AKAP9: variants seen among roughly 807,000 people sequenced by gnomAD.
The protein encoded by AKAP9 is A-kinase anchor protein 9.
A neutral mutation model predicts 488.5 loss-of-function variants in AKAP9; 311 were observed. The observed-to-expected ratio is 0.64, with a 90% CI of 0.58 to 0.70. The LOEUF is 0.70. Ranked by LOEUF, AKAP9 falls within the 30% of genes least tolerant of loss-of-function variation. The pLI is 0.00. For missense variants in AKAP9, 4,215 were observed against 4,374.5 expected, an observed-to-expected ratio of 0.96 and a Z score of 1.03; for synonymous variants, 1,462 against 1,483.5, an observed-to-expected ratio of 0.99 and a Z score of 0.33.
At chr7:92,083,106 A>G in intron 32 of AKAP9, 64 bp from the exon 33 acceptor site, 6 of 1,577,458 alleles carry the variant, frequency 3.8e-6, no homozygotes, top group African/African-American at 1.4e-5. Flanking sequence ...CACCCTTTAA[A>G]TTCTACATTT....
chr7:91,954,493 C>T (rs1243161545), intron 1 of AKAP9, among the ~76,000 whole-genome samples: 2 of 152,202 alleles, frequency 1.3e-5, no homozygotes, highest in Admixed American at 6.5e-5. Context: ...GTAGGTTGGT[C>T]CTGGACTCAA....
At chr7:91,992,495 C>A (rs990568909) in intron 4 of AKAP9, among the ~76,000 whole-genome samples, 1 of 151,912 alleles carries the variant, frequency 6.6e-6, no homozygotes, top group Non-Finnish European at 1.5e-5. Flanking sequence ...GAAACCGCAT[C>A]TCTACTATAA....
Position 91,940,985 on chromosome 7 carries a change from A to G in AKAP9, c.-115A>G. On this transcript the variant is annotated 5_prime_UTR_variant, in exon 1 of 50. Coordinates refer to ENST00000356239, the MANE Select transcript of AKAP9 (RefSeq NM_005751.5). ...CTTCGGGCGGGGGAGCGCCGGACCG[A>G]ATCGGCTCTCTAGGCCGTGGAGCTT... 3 of 1,115,946 alleles carry G rather than the reference A, an allele frequency of 2.7e-6. No individual in the cohort carries two copies. Among genetic ancestry groups the G allele is most frequent in the Non-Finnish European group, 4.1e-6 (3 of 728,048 alleles). The allele number at this position is 1,115,946 out of a possible 1,614,324, so 69.1% of individuals were successfully genotyped here.
chr7:92,020,595 T>A (rs1326625673), intron 12 of AKAP9, among the ~76,000 whole-genome samples: 1 of 152,242 alleles, frequency 6.6e-6, no homozygotes, highest in Non-Finnish European at 1.5e-5. Flanking sequence ...TTACTTTTCA[T>A]GTTATATAAT....
At chr7:92,080,455 G>A (rs189920284) in intron 31 of AKAP9, among the ~76,000 whole-genome samples, 14 of 152,034 alleles carry the variant, frequency 9.2e-5, no homozygotes, top group African/African-American at 1.4e-4. Context: ...AAAATTATCC[G>A]GGCGTGGTGG....
chr7:91,992,655 C>G (rs1797902058), intron 4 of AKAP9, among the ~76,000 whole-genome samples: 1 of 111,910 alleles, frequency 8.9e-6, no homozygotes, highest in African/African-American at 3.7e-5. Context: ...CAGAGCAAGA[C>G]TCTGTCAAAA....
At chr7:91,973,191 C>T (rs554242082) in intron 1 of AKAP9, among the ~76,000 whole-genome samples, 1 of 151,984 alleles carries the variant, frequency 6.6e-6, no homozygotes, top group Non-Finnish European at 1.5e-5. Context: ...GCCTGGGCAA[C>T]GTGGCAAAAA....
chr7:92,033,789 G>A (rs1240679366), intron 16 of AKAP9, among the ~76,000 whole-genome samples: 1 of 152,118 alleles, frequency 6.6e-6, no homozygotes, highest in East Asian at 1.9e-4. Flanking sequence ...CCCAATAGTA[G>A]TGATTTCCAG....
At position 92,082,611 on chromosome 7, in the gene AKAP9, AGAACTT is replaced by A; in HGVS notation, c.8111_8116del (p.Glu2704_Leu2705del). 2.5e-6 allele frequency: 4 copies of A among 1,614,082 alleles called. No homozygotes were observed. The highest frequency in any genetic ancestry group is 3.4e-6 in the Non-Finnish European group (4 of 1,179,966). On this transcript the variant is annotated inframe_deletion, in exon 32 of 50. Transcript: ENST00000356239. ...GAGCTGAATCAGTGGCTACCAAAGC[AGAACTT>A]GCCAGTTATAAAGAAAAGGCTGAAA... is the stretch of plus-strand genomic sequence containing the variant.
intron 3 of AKAP9, among the ~76,000 whole-genome samples, chr7:91,982,205 A>G (rs146576099): frequency 6.6e-6 from 1 of 150,768 alleles, no homozygotes; most frequent in East Asian, 1.9e-4. Context: ...GTATGTATGT[A>G]TGATACTTTA....
Position 92,031,579 on chromosome 7 carries a change from A to T in AKAP9, c.4313A>T (p.Glu1438Val), listed in dbSNP as rs1379274073. 1 of 1,611,388 alleles carries T rather than the reference A, an allele frequency of 6.2e-7. No homozygotes were observed. Among genetic ancestry groups the T allele is most frequent in the Admixed American group, 1.7e-5 (1 of 60,004 alleles). ...AAGTTGCTTGAAAAACAATACCAAG[A>T]ACAATTAGAAGAAGAAGTAGCTAAG... is the stretch of plus-strand genomic sequence containing the variant. ...IVKLLEKQYQ[E>V]QLEEEVAKVI... The change falls in exon 16 of 50, where the codon GAA (glutamate) becomes GTA (valine). Residue 1438 changes from glutamate (E) to valine (V), a missense_variant. By Grantham distance (121) the Glu-to-Val change is moderately radical. Coordinates refer to ENST00000356239, the MANE Select transcript of AKAP9 (RefSeq NM_005751.5).
chr7:92,038,081 G>A (rs1805482330), intron 16 of AKAP9, among the ~76,000 whole-genome samples: 1 of 152,146 alleles, frequency 6.6e-6, no homozygotes, highest in Non-Finnish European at 1.5e-5. Context: ...GAAGATTTGG[G>A]AAAGTATTCA....
Position 92,079,321 on chromosome 7 carries a change from G to A in AKAP9, c.7188G>A (p.Leu2396=), listed in dbSNP as rs1554450559. 6.2e-7 allele frequency: 1 copy of A among 1,614,026 alleles called. No individual in the cohort carries two copies. Among genetic ancestry groups the A allele is most frequent in the Non-Finnish European group, 8.5e-7 (1 of 1,179,988 alleles). The stretch of plus-strand genomic sequence containing the variant: ...TGGATGTGGTTATAGCTGAAAAGCT[G>A]GCCTTGGAACAGCAAGTAGAAACCG... The part of the protein sequence containing the change: ...HQLDVVIAEK[L]ALEQQVETAN... The change falls in exon 31 of 50, where the codon CTG becomes CTA. Residue 2396 remains leucine, a synonymous_variant. Transcript: ENST00000356239.
chr7:92,059,059 C>T (rs748690822), intron 22 of AKAP9, among the ~76,000 whole-genome samples: 33 of 151,938 alleles, frequency 2.2e-4, no homozygotes, highest in Non-Finnish European at 3.2e-4. Context: ...AGTTATTCAG[C>T]GCTTTTTATG....
At chr7:92,082,498 T>C in intron 31 of AKAP9, 24 bp from the exon 32 acceptor site, 1 of 1,611,798 alleles carries the variant, frequency 6.2e-7, no homozygotes, top group Non-Finnish European at 8.5e-7. Context: ...ATTATGTGTT[T>C]CTTGTGTTTC....
intron 38 of AKAP9, among the ~76,000 whole-genome samples, chr7:92,091,540 C>T (rs1002183584): frequency 9.4e-5 from 13 of 138,196 alleles, no homozygotes; most frequent in African/African-American, 3.1e-4. Context: ...GAGTTGGGAT[C>T]GTGCCATTGT....
rs7781066 is a variant in AKAP9 at position 92,062,632 on chromosome 7, G to T, written c.5977+146G>T. 268,017 of 699,744 alleles carry T rather than the reference G, an allele frequency of 0.38. 53,694 individuals are homozygous for T. The highest frequency in any genetic ancestry group is 0.51 in the African/African-American group (28,259 of 55,116). The allele number at this position is 699,744 out of a possible 1,614,324, so 43.3% of individuals were successfully genotyped here. A position where few individuals can be genotyped will look rare whatever the true frequency, so the allele number is the denominator to read the frequency against. ...AAAAATTATAAGAAAATCTACCTTAGAGATAAATGTCTTATTAGCCAATCA... is the reference window on the plus strand; with the variant it reads ...AAAAATTATAAGAAAATCTACCTTATAGATAAATGTCTTATTAGCCAATCA... On this transcript the variant is annotated intron_variant, in intron 24 of 49. Coordinates refer to ENST00000356239, the MANE Select transcript of AKAP9 (RefSeq NM_005751.5).
At chr7:92,071,624 A>G (rs764871667) in intron 28 of AKAP9, among the ~76,000 whole-genome samples, 56 of 152,166 alleles carry the variant, frequency 3.7e-4, no homozygotes, top group Non-Finnish European at 7.1e-4. Context: ...GCCTTTGTCT[A>G]CTAATAGTTT....
At chr7:91,955,378 C>T (rs536456516) in intron 1 of AKAP9, among the ~76,000 whole-genome samples, 31 of 152,268 alleles carry the variant, frequency 2.0e-4, no homozygotes, top group African/African-American at 5.3e-4. Context: ...CATACACATA[C>T]GAATATATTT....
Sources: gnomAD v4.1 joint callset for allele counts (sites outside exome capture counted in the v4.1 genomes callset) on GRCh38, gnomAD v4.1.1 for gene constraint, MANE v1.5 for transcripts, NCBI Gene and HGNC (gene_info 2026-07-23, HGNC 2026-07-21) for gene names.